Variants in ITGB4 observed in about 807,000 individuals in gnomAD.
ITGB4 encodes integrin beta-4.
In ITGB4, 159 loss-of-function variants were observed where a neutral mutation model predicts 207.6. The observed-to-expected ratio is 0.77, with a 90% CI of 0.67 to 0.87. The LOEUF (loss-of-function observed/expected upper bound fraction) is 0.87, where lower values mean the gene tolerates loss of function less well. Ranked by LOEUF, ITGB4 falls within the 40% of genes least tolerant of loss-of-function variation. ITGB4 has a pLI of 0.00. For synonymous variants in ITGB4, 1,020 were observed against 1,062.7 expected (o/e 0.96, Z 0.78); for missense variants, 2,278 against 2,546.8 (o/e 0.89, Z 2.27).
chr17:75,747,965 G>A (rs1198180558), intron 26 of ITGB4, among the ~76,000 whole-genome samples: 4 of 152,256 alleles, frequency 2.6e-5, no homozygotes, highest in African/African-American at 9.6e-5. Flanking sequence ...TGGCTGCTGC[G>A]CCTGGAATTG....
chr17:75,753,422 G>A (rs928469495), intron 32 of ITGB4, among the ~76,000 whole-genome samples: 11 of 152,298 alleles, frequency 7.2e-5, no homozygotes, highest in East Asian at 1.9e-4. Context: ...TGTACAAACG[G>A]GAAACTGAGT....
Position 75,739,834 on chromosome 17 carries a change from G to T in ITGB4, c.2255-46G>T, listed in dbSNP as rs2061064817. ...GGGTCCCACCTGAAGAGGTTGGGCTGTGCGGGTCTAGGGAGGGGTGCCGTG... is the reference window on the plus strand; with the variant it reads ...GGGTCCCACCTGAAGAGGTTGGGCTTTGCGGGTCTAGGGAGGGGTGCCGTG... On this transcript the variant is annotated intron_variant, in intron 19 of 39. Coordinates refer to ENST00000200181, the MANE Select transcript of ITGB4 (RefSeq NM_000213.5). The surrounding 1 kb of genome is among the most constrained non-coding windows in gnomAD (Gnocchi z 5.4). 1 of 1,611,444 alleles carries T rather than the reference G, an allele frequency of 6.2e-7. No homozygotes were observed. The highest frequency in any genetic ancestry group is 8.5e-7 in the Non-Finnish European group (1 of 1,178,008).
chr17:75,754,829 G>T lies in ITGB4; in HGVS notation c.4558+14G>T, dbSNP rs767841126. 1 of 1,613,708 alleles carries T rather than the reference G, an allele frequency of 6.2e-7. No homozygotes were observed. Among genetic ancestry groups the T allele is most frequent in the Non-Finnish European group, 8.5e-7 (1 of 1,179,958 alleles). On this transcript the variant is annotated intron_variant, in intron 34 of 39. Coordinates refer to ENST00000200181, the MANE Select transcript of ITGB4 (RefSeq NM_000213.5). ...TCTCCTCCCACGGTGAGTGACCTCAGCCAACCCTGCCTCTCCCACTAACCC... is the reference window on the plus strand; with the variant it reads ...TCTCCTCCCACGGTGAGTGACCTCATCCAACCCTGCCTCTCCCACTAACCC...
rs756712829 is a variant in ITGB4, at chr17:75,742,376, C to T, written c.2669C>T (p.Ala890Val). The change falls in exon 24 of 40, where the codon GCG becomes GTG. Residue 890 changes from alanine to valine, a missense_variant. By Grantham distance (64) the Ala-to-Val change is moderately conservative. Transcript: ENST00000200181. This position sits in a 1 kb window ranked among gnomAD's most constrained non-coding sequence, Gnocchi z 5.9. ...ACCATTGTGGACACAGTGCTGATGG[C>T]GCCCCGCTCGGCCAAGCCGGCCCTG... is the stretch of plus-strand genomic sequence containing the variant. ...DHTIVDTVLM[A>V]PRSAKPALLK... The T allele has an allele frequency of 1.2e-6, 2 of 1,613,368 alleles. No individual in the cohort carries two copies. The highest frequency in any genetic ancestry group is 1.7e-5 in the Admixed American group (1 of 60,016).
At position 75,727,417 on chromosome 17, in the gene ITGB4, G is replaced by C. The variant is rs201532846; in HGVS notation, c.176G>C (p.Arg59Pro). 1 of 1,614,036 alleles carries C rather than the reference G, an allele frequency of 6.2e-7. No homozygotes were observed. The change falls in exon 4 of 40, where the codon CGG becomes CCG. Residue 59 changes from arginine (R) to proline (P), a missense_variant. Coordinates refer to ENST00000200181, the MANE Select transcript of ITGB4 (RefSeq NM_000213.5). This position sits in a 1 kb window ranked among gnomAD's most constrained non-coding sequence, Gnocchi z 6.0. The part of the protein sequence containing the change: ...AYCTDEMFRD[R>P]RCNTQAELLA... ...CCTTCTGGCCAGATGTTCAGGGACC[G>C]GCGCTGCAACACCCAGGCGGAGCTG...
rs553355471 is a variant in ITGB4 at position 75,736,903 on chromosome 17, G to T, written c.1990+209G>T. Among the ~76,000 whole-genome samples the T allele has an allele frequency of 7.2e-5, 11 of 152,192 alleles. No individual in the cohort carries two copies. In the East Asian group the frequency reaches 2.1e-3, roughly 29 times the overall value. On this transcript the variant is annotated intron_variant, in intron 16 of 39. Transcript: ENST00000200181. ...GGTAAAAGCCTGAGCAGGAGGCACA[G>T]AACCCAGGCGGTGGGACACAGTCTG...
chr17:75,721,934 T>TA (rs1555729088), intron 1 of ITGB4, among the ~76,000 whole-genome samples: 1 of 151,782 alleles, frequency 6.6e-6, no homozygotes, highest in Non-Finnish European at 1.5e-5. Flanking sequence ...GAAGGTGGAG[T>TA]AGACACCAGC....
Position 75,731,357 on chromosome 17 carries a change from C to T in ITGB4, c.1204C>T (p.Arg402Trp), listed in dbSNP as rs563495764. Residue 402 changes from arginine (R) to tryptophan (W), a missense_variant, in exon 10 of 40, where the codon CGG becomes TGG. Arg to Trp is a moderately radical substitution (Grantham distance 101). Coordinates refer to ENST00000200181, the MANE Select transcript of ITGB4 (RefSeq NM_000213.5). This position sits in a 1 kb window ranked among gnomAD's most constrained non-coding sequence, Gnocchi z 6.8. ...GAGGACTGGGTCCTTTCACATCCGGCGGGGGGAAGTGGTACGCCTCTGTGG... is the reference window on the plus strand; with the variant it reads ...GAGGACTGGGTCCTTTCACATCCGGTGGGGGGAAGTGGTACGCCTCTGTGG... The part of the protein sequence containing the change: ...KTRTGSFHIR[R>W]GEVGIYQVQL... 4.0e-5 allele frequency: 65 copies of T among 1,608,668 alleles called. 1 individual carries two copies. In the South Asian group the frequency reaches 5.4e-4, roughly 13 times the overall value.
rs1008812265 is a variant in ITGB4 at position 75,749,196 on chromosome 17, T to G, written c.3316+151T>G. ...ACAACATACACGTTGGTAGGATAAG[T>G]ATGTCCCATGCAATATTTGGAACAT... On this transcript the variant is annotated intron_variant, in intron 27 of 39. Transcript: ENST00000200181. The G allele has an allele frequency of 1.9e-4, 139 of 719,612 alleles. 2 individuals are homozygous for G. In the South Asian group the frequency reaches 2.2e-3, roughly 11 times the overall value. 44.6% of individuals were successfully genotyped at this position (719,612 alleles called of 1,614,324 possible).
chr17:75,743,430 G>T (rs961964209), intron 25 of ITGB4, among the ~76,000 whole-genome samples: 1 of 152,002 alleles, frequency 6.6e-6, no homozygotes, highest in Admixed American at 6.6e-5. Flanking sequence ...ATGGGGTTTC[G>T]CCATGTTGGC....
In ITGB4 at chr17:75,750,945, G is replaced by T; in HGVS notation, c.3656-29G>T. 1 of 1,613,464 alleles carries T rather than the reference G, an allele frequency of 6.2e-7. No homozygotes were observed. Among genetic ancestry groups the T allele is most frequent in the Non-Finnish European group, 8.5e-7 (1 of 1,180,000 alleles). ...GACCTCCCTCCCTCTGCCACTGACA[G>T]CACTCTTCCTGTATTCCCCGCTCCC... On this transcript the variant is annotated intron_variant, in intron 29 of 39. Coordinates refer to ENST00000200181, the MANE Select transcript of ITGB4 (RefSeq NM_000213.5). The surrounding 1 kb of genome is among the most constrained non-coding windows in gnomAD (Gnocchi z 5.5).
rs774782708 is a variant in ITGB4, at chr17:75,729,447, G to A, written c.738+11G>A. 10 of 1,613,190 alleles carry A rather than the reference G, an allele frequency of 6.2e-6. No homozygotes were observed. In the Admixed American group the frequency reaches 1.7e-4, roughly 27 times the overall value. Reference sequence around the variant, plus strand: ...ACAGCTGTGTGCACGGTGGGCACTGGGAAGGGTGCTGCCAGCCTAGGCCAG... The same window carrying A: ...ACAGCTGTGTGCACGGTGGGCACTGAGAAGGGTGCTGCCAGCCTAGGCCAG... On this transcript the variant is annotated intron_variant, in intron 7 of 39. Transcript: ENST00000200181. The surrounding 1 kb of genome is among the most constrained non-coding windows in gnomAD (Gnocchi z 4.4).
chr17:75,726,452 T>C (rs2060718477), intron 2 of ITGB4, among the ~76,000 whole-genome samples: 1 of 144,794 alleles, frequency 6.9e-6, no homozygotes, highest in Non-Finnish European at 1.5e-5. Flanking sequence ...GAAATGCAGG[T>C]TGGGCACAGT....
chr17:75,754,946 G>A (rs904474235), intron 34 of ITGB4, 131 bp downstream of exon 34: 22 of 1,404,746 alleles, frequency 1.6e-5, no homozygotes, highest in Middle Eastern at 1.8e-4. Flanking sequence ...ACACATGCAC[G>A]CACACACGTG....
At chr17:75,741,077 G>T (rs375083103) in intron 23 of ITGB4, 72 bp downstream of exon 23, 2 of 1,539,058 alleles carry the variant, frequency 1.3e-6, no homozygotes, top group Non-Finnish European at 8.9e-7. Flanking sequence ...CCACTGCCTC[G>T]TCCGTCCCTA....
intron 8 of ITGB4, 69 bp downstream of exon 8, chr17:75,730,573 TCTCCCTCCCTCCCTCCCTCC>T (rs541924596): frequency 5.6e-6 from 7 of 1,251,876 alleles, no homozygotes; most frequent in Non-Finnish European, 7.9e-6. Context: ...CTCAGACACC[TCTCCCTCCCTCCCTCCCTCC>T]CTCCCTCCCT....
At chr17:75,748,685 CAAAA>C (rs530440434) in intron 26 of ITGB4, among the ~76,000 whole-genome samples, 152 bp from the exon 27 acceptor site, 2 of 150,872 alleles carry the variant, frequency 1.3e-5, no homozygotes, top group Admixed American at 1.3e-4. Context: ...AAAAAACAAA[CAAAA>C]AAAACACAAA....
At chr17:75,723,981 C>T (rs530189318) in intron 1 of ITGB4, among the ~76,000 whole-genome samples, 31 of 152,348 alleles carry the variant, frequency 2.0e-4, no homozygotes, top group African/African-American at 6.0e-4. Context: ...CCGCTGGGGA[C>T]GCCTTGAGGG....
In ITGB4 at chr17:75,739,722, G is replaced by C. The variant is rs377696490; in HGVS notation, c.2254+17G>C. 1 of 1,613,856 alleles carries C rather than the reference G, an allele frequency of 6.2e-7. No individual in the cohort carries two copies. Among genetic ancestry groups the C allele is most frequent in the African/African-American group, 1.3e-5 (1 of 74,892 alleles). ...GCAACCGAGGTATGGGCCTGGCATC[G>C]CAGGGGCAGCAGGGGCTCTGACTGC... On this transcript the variant is annotated intron_variant, in intron 19 of 39. Transcript: ENST00000200181. This position sits in a 1 kb window ranked among gnomAD's most constrained non-coding sequence, Gnocchi z 5.4.
Sources: allele counts gnomAD v4.1 joint callset (sites outside exome capture counted in the v4.1 genomes callset), GRCh38; gene constraint gnomAD v4.1.1; non-coding constraint Gnocchi (gnomAD v3.1); transcripts MANE v1.5; gene names NCBI Gene and HGNC (gene_info 2026-07-23, HGNC 2026-07-21).